Variants in TIMM23 observed in about 807,000 individuals in gnomAD.
The protein encoded by TIMM23 is mitochondrial import inner membrane translocase subunit Tim23.
In TIMM23, 19 loss-of-function variants were observed where a neutral mutation model predicts 30.7. The ratio of observed to expected loss-of-function variants is 0.62; its 90% CI spans 0.43 to 0.91. The LOEUF (loss-of-function observed/expected upper bound fraction) is 0.91, where lower values mean the gene tolerates loss of function less well. TIMM23 is among the 40% of genes least tolerant of loss of function. The pLI, the probability that TIMM23 is intolerant of heterozygous loss-of-function variation, is 0.00. For synonymous variants in TIMM23, 78 were observed against 98.5 expected, an observed-to-expected ratio of 0.79 and a Z score of 1.23; for missense variants, 202 against 269.2, an observed-to-expected ratio of 0.75 and a Z score of 1.75.
At chr10:45,972,936 T>C (rs1457912483) in intron 1 of TIMM23, among the ~76,000 whole-genome samples, 4 of 152,140 alleles carry the variant, frequency 2.6e-5, no homozygotes, top group African/African-American at 9.7e-5. Context: ...CTGGGGAAGC[T>C]GTCCGTGATT....
rs1554918142 is a variant in TIMM23, at chr10:46,003,267, A to G, written c.579A>G (p.Leu193=). 6.2e-7 allele frequency: 1 copy of G among 1,614,200 alleles called. No individual in the cohort carries two copies. Among genetic ancestry groups the G allele is most frequent in the Admixed American group, 1.7e-5 (1 of 60,024 alleles). Residue 193 remains leucine (L), a synonymous_variant, in exon 7 of 7, where the codon CTA becomes CTG. Transcript: ENST00000580018. The part of the protein sequence containing the change: ...TGLTLTSLYA[L]YNNWEHMKGS... ...TAACACTTACCAGCCTCTATGCACT[A>G]TATAATAACTGGGAGCACATGAAAG...
intron 6 of TIMM23, among the ~76,000 whole-genome samples, chr10:46,000,446 C>T (rs567249196): frequency 6.6e-6 from 1 of 152,328 alleles, no homozygotes; most frequent in Non-Finnish European, 1.5e-5. Flanking sequence ...TCTTGAACTC[C>T]TGGGCTCAAG....
At chr10:45,975,415 A>T (rs1837640008) in intron 1 of TIMM23, 39 bp from the exon 2 acceptor site, 1 of 1,612,290 alleles carries the variant, frequency 6.2e-7, no homozygotes, top group African/African-American at 1.3e-5. Flanking sequence ...ATTAACTTAA[A>T]GAATTTTGTT....
At chr10:45,981,701 C>T (rs1246143785) in intron 2 of TIMM23, among the ~76,000 whole-genome samples, 1 of 152,278 alleles carries the variant, frequency 6.6e-6, no homozygotes, top group East Asian at 1.9e-4. Context: ...ATGTAACACA[C>T]TATGTGTCTT....
At chr10:45,981,426 A>G (rs1336438789) in intron 2 of TIMM23, among the ~76,000 whole-genome samples, 9 of 151,662 alleles carry the variant, frequency 5.9e-5, no homozygotes, top group Admixed American at 5.9e-4. Context: ...AGTACCCAAA[A>G]TTTATAAAAC....
chr10:45,974,516 C>A (rs76650109), intron 1 of TIMM23, among the ~76,000 whole-genome samples: 137,162 of 152,210 alleles, frequency 0.9, 62,018 homozygotes, highest in African/African-American at 0.97. Flanking sequence ...GAGTTGGATC[C>A]ATTGAAGTTT....
intron 1 of TIMM23, among the ~76,000 whole-genome samples, chr10:45,974,766 G>A (rs1837614689): frequency 6.6e-6 from 1 of 152,092 alleles, no homozygotes; most frequent in Non-Finnish European, 1.5e-5. Context: ...GAACAAGCAG[G>A]ACTCCTAATT....
At chr10:45,983,839 G>C (rs1837920879) in intron 4 of TIMM23, among the ~76,000 whole-genome samples, 1 of 152,152 alleles carries the variant, frequency 6.6e-6, no homozygotes. Context: ...GACCTCCTGG[G>C]CTCAAGTGAT....
chr10:45,979,740 G>C (rs1379829380), intron 2 of TIMM23, among the ~76,000 whole-genome samples: 2 of 150,114 alleles, frequency 1.3e-5, no homozygotes, highest in Non-Finnish European at 1.5e-5. Context: ...GCAAGTTGAT[G>C]GTTCGGACCT....
At chr10:45,988,183 C>T (rs1481178702) in intron 5 of TIMM23, among the ~76,000 whole-genome samples, 170 of 152,266 alleles carry the variant, frequency 1.1e-3, no homozygotes, top group Non-Finnish European at 1.9e-3. Flanking sequence ...CCTTATAGAA[C>T]TGTGATTGGA....
intron 6 of TIMM23, among the ~76,000 whole-genome samples, chr10:45,995,128 G>A (rs1183176321): frequency 2.6e-5 from 4 of 151,580 alleles, no homozygotes; most frequent in Admixed American, 2.6e-4. Context: ...CTGTGACATA[G>A]AATTAATGAG....
At chr10:45,997,541 G>A (rs1838381734) in intron 6 of TIMM23, among the ~76,000 whole-genome samples, 1 of 152,188 alleles carries the variant, frequency 6.6e-6, no homozygotes, top group Admixed American at 6.5e-5. Context: ...ACAGAGCACC[G>A]TGGCTCACGC....
At chr10:45,989,785 C>T (rs1273552741) in intron 6 of TIMM23, among the ~76,000 whole-genome samples, 10 of 152,180 alleles carry the variant, frequency 6.6e-5, no homozygotes, top group South Asian at 2.1e-4. Context: ...GGGAGATCAA[C>T]GTGTTGCTGT....
intron 6 of TIMM23, among the ~76,000 whole-genome samples, chr10:45,997,330 C>T (rs1838372334): frequency 6.5e-5 from 1 of 15,440 alleles, no homozygotes; most frequent in South Asian, 2.5e-3. Context: ...AATAGGCCAT[C>T]TATAAAAAAA....
At chr10:45,992,341 G>A in intron 6 of TIMM23, 1 of 453,044 alleles carries the variant, frequency 2.2e-6, no homozygotes, top group Non-Finnish European at 4.4e-6. Flanking sequence ...AGTTGTTTGG[G>A]TGATTGCTTT....
intron 2 of TIMM23, among the ~76,000 whole-genome samples, chr10:45,978,122 C>T (rs1448494402): frequency 1.3e-5 from 2 of 151,924 alleles, no homozygotes; most frequent in African/African-American, 2.4e-5. Context: ...GAGGCTGAGG[C>T]GGGAGGATCA....
At chr10:45,987,813 ATCCCTATGTTGTTGCCCAAACTG>A (rs1838040550) in intron 5 of TIMM23, among the ~76,000 whole-genome samples, 1 of 151,768 alleles carries the variant, frequency 6.6e-6, no homozygotes, top group Non-Finnish European at 1.5e-5. Context: ...AGAAGGGGGT[ATCCCTATGTTGTTGCCCAAACTG>A]GTCTCTGACT....
At chr10:45,993,473 C>T (rs1372503327) in intron 6 of TIMM23, among the ~76,000 whole-genome samples, 2 of 151,852 alleles carry the variant, frequency 1.3e-5, no homozygotes, top group Non-Finnish European at 2.9e-5. Flanking sequence ...AGGCTGATCT[C>T]GAACTCCCGA....
At chr10:45,989,630 T>C (rs1838097178) in intron 6 of TIMM23, among the ~76,000 whole-genome samples, 1 of 152,180 alleles carries the variant, frequency 6.6e-6, no homozygotes. Context: ...ATATTCAGAA[T>C]TGTTGGTTTT....
Sources: allele counts gnomAD v4.1 joint callset (sites outside exome capture counted in the v4.1 genomes callset), GRCh38; gene constraint gnomAD v4.1.1; transcripts MANE v1.5; gene names NCBI Gene and HGNC (gene_info 2026-07-23, HGNC 2026-07-21).